KIF3B: variants seen among roughly 807,000 people sequenced by gnomAD.
KIF3B encodes the protein kinesin-like protein KIF3B.
A neutral mutation model predicts 74.3 loss-of-function variants in KIF3B; 38 were observed. The observed-to-expected ratio is 0.51, with a 90% CI of 0.39 to 0.67. The LOEUF is 0.67. KIF3B is among the 30% of genes least tolerant of loss of function. The pLI, the probability that KIF3B is intolerant of heterozygous loss-of-function variation, is 0.00. For synonymous variants in KIF3B, 326 were observed against 342.5 expected (o/e 0.95, Z 0.53); for missense variants, 649 against 932.0 (o/e 0.70, Z 3.95).
At position 32,331,601 on chromosome 20, in the gene KIF3B, G is replaced by A; in HGVS notation, c.*282G>A. ...AAGCAAGAGAATGACCAGTGACCTT[G>A]CTTCCTTCCCCCTTGCCTTCTTCTC... On this transcript the variant is annotated 3_prime_UTR_variant, in exon 9 of 9. Transcript: ENST00000375712. The A allele has an allele frequency of 2.4e-6, 1 of 416,690 alleles. No individual in the cohort carries two copies. Among genetic ancestry groups the A allele is most frequent in the Non-Finnish European group, 4.2e-6 (1 of 235,622 alleles). 25.8% of individuals were successfully genotyped at this position (416,690 alleles called of 1,614,324 possible).
chr20:32,321,641 G>C (rs1452979433), intron 5 of KIF3B, among the ~76,000 whole-genome samples: 1 of 151,930 alleles, frequency 6.6e-6, no homozygotes, highest in African/African-American at 2.4e-5. Flanking sequence ...AGGGTCCCTT[G>C]CATTTCCATA....
rs547555325 is a variant in KIF3B, at chr20:32,322,012, A to G, written c.1749-4759A>G. Among the ~76,000 whole-genome samples the G allele has an allele frequency of 3.9e-5, 6 of 152,232 alleles. No individual in the cohort carries two copies. The South Asian group carries it at 1.2e-3, about 32-fold the overall frequency. ...CAGTATCTCTGAGGTATGCCTCTACATTTTAAGGTCAGCTTGTCAATTTCT... is the reference window on the plus strand; with the variant it reads ...CAGTATCTCTGAGGTATGCCTCTACGTTTTAAGGTCAGCTTGTCAATTTCT... On this transcript the variant is annotated intron_variant, in intron 5 of 8. Transcript: ENST00000375712.
rs776061231 is a variant in KIF3B at position 32,330,298 on chromosome 20, C to CTTG, written c.2126_2127insTTG (p.Ala709_Asn710insTer). The CTTG allele has an allele frequency of 1.2e-6, 2 of 1,613,886 alleles. No homozygotes were observed. The highest frequency in any genetic ancestry group is 2.2e-5 in the East Asian group (1 of 44,876). ...GATGCATCATCATTTGAAAGCACTG[C>CTTG]AAATAAGAAATCCAAGGCCAGGTGA... On this transcript the variant is annotated stop_gained and inframe_insertion, in exon 8 of 9. Coordinates refer to ENST00000375712, the MANE Select transcript of KIF3B (RefSeq NM_004798.4). LOFTEE classifies it high-confidence loss of function.
chr20:32,280,150 G>A (rs995448677), intron 1 of KIF3B, among the ~76,000 whole-genome samples: 1 of 152,170 alleles, frequency 6.6e-6, no homozygotes, highest in Non-Finnish European at 1.5e-5. Context: ...TGGCTGTTCT[G>A]AGGATTTATT....
At position 32,330,288 on chromosome 20, in the gene KIF3B, G is replaced by C. The variant is rs777995430; in HGVS notation, c.2116G>C (p.Glu706Gln). 12 of 1,613,970 alleles carry C rather than the reference G, an allele frequency of 7.4e-6. No homozygotes were observed. In the South Asian group the frequency reaches 1.2e-4, roughly 16 times the overall value. ...DEIQVDASSF[E>Q]STANKKSKAR... ...GATACAGGTGGATGCATCATCATTT[G>C]AAAGCACTGCAAATAAGAAATCCAA... Residue 706 changes from glutamate to glutamine, a missense_variant, in exon 8 of 9, where the codon GAA (glutamate) becomes CAA (glutamine). Coordinates refer to ENST00000375712, the MANE Select transcript of KIF3B (RefSeq NM_004798.4).
chr20:32,282,516 C>A (rs1569185543), intron 1 of KIF3B, among the ~76,000 whole-genome samples: 1 of 152,082 alleles, frequency 6.6e-6, no homozygotes, highest in Non-Finnish European at 1.5e-5. Context: ...CCAGGTGCAA[C>A]TGATTGAAGC....
At chr20:32,323,424 A>C (rs2047886425) in intron 5 of KIF3B, among the ~76,000 whole-genome samples, 1 of 151,708 alleles carries the variant, frequency 6.6e-6, no homozygotes, top group South Asian at 2.1e-4. Context: ...TATTTGAGAC[A>C]GAGTCTCACT....
At chr20:32,296,919 A>G (rs2047719763) in intron 1 of KIF3B, among the ~76,000 whole-genome samples, 1 of 152,026 alleles carries the variant, frequency 6.6e-6, no homozygotes, top group South Asian at 2.1e-4. Context: ...ACTTGCTTTC[A>G]TGGTGTGGTT....
At chr20:32,279,906 G>T (rs549940361) in intron 1 of KIF3B, among the ~76,000 whole-genome samples, 1 of 152,314 alleles carries the variant, frequency 6.6e-6, no homozygotes, top group Admixed American at 6.5e-5. Flanking sequence ...AGACTACCTG[G>T]ACTAAAATCT....
Position 32,279,652 on chromosome 20 carries a change from A to G in KIF3B, c.-66+1887A>G, listed in dbSNP as rs12624944. 3.7e-4 allele frequency among the ~76,000 whole-genome samples: 57 copies of G among 152,008 alleles called. 3 individuals are homozygous for G. In the East Asian group the frequency reaches 0.01, roughly 27 times the overall value. On this transcript the variant is annotated intron_variant, in intron 1 of 8. Coordinates refer to ENST00000375712, the MANE Select transcript of KIF3B (RefSeq NM_004798.4). ...GGCTAATTTTGTATTTTTAGTAGAG[A>G]TGGGGTTTCTCCATGTTGGTCAGGC...
intron 1 of KIF3B, among the ~76,000 whole-genome samples, chr20:32,284,526 C>T (rs913698738): frequency 7.9e-5 from 12 of 152,100 alleles, no homozygotes; most frequent in Non-Finnish European, 1.2e-4. Flanking sequence ...TAGTGGCTCA[C>T]GCTTGTAATC....
chr20:32,332,371 C>A lies in KIF3B; in HGVS notation c.*1052C>A, dbSNP rs2047934617. On this transcript the variant is annotated 3_prime_UTR_variant, in exon 9 of 9. Coordinates refer to ENST00000375712, the MANE Select transcript of KIF3B (RefSeq NM_004798.4). Reference sequence around the variant, plus strand: ...GATGCAGAGATGGAGACATGAGACTCAGTGCAGTGGGCAGGGAAGACATAA... The same window carrying A: ...GATGCAGAGATGGAGACATGAGACTAAGTGCAGTGGGCAGGGAAGACATAA... 1 of 152,310 alleles carries A rather than the reference C, an allele frequency of 6.6e-6. No individual in the cohort carries two copies. Among genetic ancestry groups the A allele is most frequent in the Admixed American group, 6.5e-5 (1 of 15,280 alleles). The allele number at this position is 152,310 out of a possible 1,614,324, so 9.4% of individuals were successfully genotyped here. A position where few individuals can be genotyped will look rare whatever the true frequency, so the allele number is the denominator to read the frequency against.
At chr20:32,303,820 A>G (rs2047755822) in intron 1 of KIF3B, among the ~76,000 whole-genome samples, 1 of 149,644 alleles carries the variant, frequency 6.7e-6, no homozygotes, top group Non-Finnish European at 1.5e-5. Context: ...GTGCCATTGC[A>G]CTCCAGCCTG....
chr20:32,326,670 G>C, intron 5 of KIF3B, 101 bp from the exon 6 acceptor site: 1 of 655,752 alleles, frequency 1.5e-6, no homozygotes, highest in Non-Finnish European at 2.8e-6. Context: ...TTTGCTATGT[G>C]CCTTGACTCT....
At position 32,327,561 on chromosome 20, in the gene KIF3B, A is replaced by T; in HGVS notation, c.1868A>T (p.Gln623Leu). 1.2e-6 allele frequency: 2 copies of T among 1,613,054 alleles called. No homozygotes were observed. The change falls in exon 7 of 9, where the codon CAG becomes CTG. Residue 623 changes from glutamine to leucine, a missense_variant. Physicochemically the swap from Gln to Leu is moderately radical, Grantham distance 113. Around this residue, in one of 4 missense-constraint regions of KIF3B, gnomAD observed 186 missense variants for 198.5 expected, o/e 0.94. Coordinates refer to ENST00000375712, the MANE Select transcript of KIF3B (RefSeq NM_004798.4). Reference protein sequence around the residue: ...KLHPITRLENQQMMKRPVSAV... With the variant: ...KLHPITRLENLQMMKRPVSAV... ...ACACTGCAGTTCATTTCCAGGAACC[A>T]GCAGATGATGAAGCGGCCAGTCTCA...
intron 1 of KIF3B, among the ~76,000 whole-genome samples, chr20:32,280,341 C>A (rs942207756): frequency 1.3e-5 from 2 of 150,470 alleles, no homozygotes; most frequent in Admixed American, 1.3e-4. Flanking sequence ...CAGTAGCCAT[C>A]ATGGCATTAT....
chr20:32,320,213 A>G (rs2047853011), intron 5 of KIF3B, among the ~76,000 whole-genome samples: 1 of 152,058 alleles, frequency 6.6e-6, no homozygotes, highest in African/African-American at 2.4e-5. Context: ...AGAGTTCTTT[A>G]TATTAATATA....
chr20:32,327,633 T>G lies in KIF3B; in HGVS notation c.1940T>G (p.Met647Arg), dbSNP rs2047910574. 1 of 1,613,308 alleles carries G rather than the reference T, an allele frequency of 6.2e-7. No individual in the cohort carries two copies. The change falls in exon 7 of 9, where the codon ATG (methionine) becomes AGG (arginine). Residue 647 changes from methionine (M) to arginine (R), a missense_variant. Met to Arg is a moderately conservative substitution (Grantham distance 91). Around this residue, in one of 4 missense-constraint regions of KIF3B, gnomAD observed 186 missense variants for 198.5 expected, o/e 0.94. Transcript: ENST00000375712. ...RPLSQHARMS[M>R]MIRPEARYRA... ...TTGAGCCAGCACGCAAGAATGTCCA[T>G]GATGATTCGTCCAGAGGCCCGATAT...
At position 32,311,009 on chromosome 20, in the gene KIF3B, A is replaced by T. The variant is rs762488447; in HGVS notation, c.1232A>T (p.Asp411Val). The T allele has an allele frequency of 6.2e-7, 1 of 1,613,680 alleles. No individual in the cohort carries two copies. The highest frequency in any genetic ancestry group is 8.5e-7 in the Non-Finnish European group (1 of 1,179,876). Reference sequence around the variant, plus strand: ...GGTGAGGAGGAAGGGGATGATAAGGATGATTACTGGCGGGAACAGCAAGAA... The same window carrying T: ...GGTGAGGAGGAAGGGGATGATAAGGTTGATTACTGGCGGGAACAGCAAGAA... ...EEGEEEGDDK[D>V]DYWREQQEKL... Residue 411 changes from aspartate to valine, a missense_variant, in exon 2 of 9, where the codon GAT becomes GTT. Asp to Val is a radical substitution (Grantham distance 152). Coordinates refer to ENST00000375712, the MANE Select transcript of KIF3B (RefSeq NM_004798.4).
Sources: allele counts gnomAD v4.1 joint callset (sites outside exome capture counted in the v4.1 genomes callset), GRCh38; gene constraint gnomAD v4.1.1; regional missense constraint gnomAD v4.1.1; transcripts MANE v1.5; gene names NCBI Gene and HGNC (gene_info 2026-07-23, HGNC 2026-07-21).